The following HPSE2 variants were observed in gnomAD, a reference collection of about 807,000 sequenced individuals.
HPSE2 encodes the protein heparanase 2 (inactive), also known as inactive heparanase-2.
Under a neutral mutation model 60.5 loss-of-function variants are expected in HPSE2, and 38 were observed. The ratio of observed to expected loss-of-function variants is 0.63; its 90% CI spans 0.48 to 0.82. HPSE2 has a LOEUF of 0.82. Among genes scored for constraint, HPSE2 ranks in the 40% least tolerant of loss-of-function variants. The probability of loss-of-function intolerance (pLI) is 0.00; values close to 1 mark genes in which losing one functional copy is unlikely to be tolerated. For missense variants in HPSE2, 713 were observed against 740.4 expected (o/e 0.96, Z 0.43); for synonymous variants, 295 against 293.2 (o/e 1.01, Z -0.06).
intron 9 of HPSE2, among the ~76,000 whole-genome samples, chr10:98,495,739 C>A (rs536012802): frequency 6.6e-6 from 1 of 151,192 alleles, no homozygotes; most frequent in East Asian, 1.9e-4. Flanking sequence ...TACAGGTTTT[C>A]TTTCTCTTTA....
At chr10:99,077,576 G>T (rs563000598) in intron 3 of HPSE2, among the ~76,000 whole-genome samples, 1 of 151,880 alleles carries the variant, frequency 6.6e-6, no homozygotes, top group Admixed American at 6.6e-5. Flanking sequence ...GTGTGTGAGT[G>T]TATGTGTGTG....
chr10:98,656,129 C>T (rs1226947023), intron 6 of HPSE2, among the ~76,000 whole-genome samples: 2 of 151,476 alleles, frequency 1.3e-5, no homozygotes, highest in Non-Finnish European at 2.9e-5. Flanking sequence ...CTCTGTTGCC[C>T]AGGCTGGAGC....
At chr10:98,610,495 C>T (rs1431710564) in intron 9 of HPSE2, among the ~76,000 whole-genome samples, 1 of 152,150 alleles carries the variant, frequency 6.6e-6, no homozygotes, top group Non-Finnish European at 1.5e-5. Flanking sequence ...GTACTCCAAT[C>T]CATGACCAAT....
chr10:98,922,322 A>G (rs2135067570), intron 3 of HPSE2, among the ~76,000 whole-genome samples: 1 of 152,282 alleles, frequency 6.6e-6, no homozygotes, highest in East Asian at 1.9e-4. Context: ...CTGGGAAATG[A>G]CAAAGTTCTA....
the HPSE2 span, among the ~76,000 whole-genome samples, chr10:99,266,413 G>A: frequency 1.3e-5 from 2 of 152,160 alleles, no homozygotes; most frequent in Non-Finnish European, 2.9e-5. Flanking sequence ...GCACGGCAGA[G>A]GCAGCCATAA....
chr10:99,097,788 T>G (rs1843771567), intron 3 of HPSE2, among the ~76,000 whole-genome samples: 1 of 152,196 alleles, frequency 6.6e-6, no homozygotes, highest in African/African-American at 2.4e-5. Context: ...TTATCTCGTT[T>G]TATAGATAAG....
intron 2 of HPSE2, among the ~76,000 whole-genome samples, chr10:99,191,544 G>C (rs1457375998): frequency 6.6e-6 from 1 of 152,244 alleles, no homozygotes; most frequent in Non-Finnish European, 1.5e-5. Flanking sequence ...CACTGCATGA[G>C]CCACACTGTT....
chr10:98,541,443 C>G (rs1943455403), intron 9 of HPSE2, among the ~76,000 whole-genome samples: 1 of 152,150 alleles, frequency 6.6e-6, no homozygotes, highest in South Asian at 2.1e-4. Context: ...GTTCATCTCA[C>G]TAGGGAGTGC....
At chr10:98,852,998 C>G (rs533438824) in intron 3 of HPSE2, among the ~76,000 whole-genome samples, 94 of 152,224 alleles carry the variant, frequency 6.2e-4, no homozygotes, top group African/African-American at 2.2e-3. Context: ...TCTTTGGGGC[C>G]TTATGTTGTC....
intron 2 of HPSE2, among the ~76,000 whole-genome samples, chr10:99,181,397 C>CAAAAAAAAAAAAAAAAA (rs58049545): frequency 2.9e-5 from 3 of 104,762 alleles, no homozygotes; most frequent in African/African-American, 1.1e-4. Context: ...GACTCCGTCT[C>CAAAAAAAAAAAAAAAAA]AAAAAAAAAA....
intron 9 of HPSE2, among the ~76,000 whole-genome samples, chr10:98,555,777 G>A (rs563404661): frequency 6.6e-6 from 1 of 152,124 alleles, no homozygotes; most frequent in Non-Finnish European, 1.5e-5. Context: ...CTCCTCTTTC[G>A]AAACCAATTT....
At chr10:98,872,723 T>C (rs1952766953) in intron 3 of HPSE2, among the ~76,000 whole-genome samples, 1 of 152,104 alleles carries the variant, frequency 6.6e-6, no homozygotes, top group African/African-American at 2.4e-5. Context: ...GACTAGAATA[T>C]CTAAGAAAAT....
intron 7 of HPSE2, among the ~76,000 whole-genome samples, chr10:98,638,095 T>TGC (rs1417831046): frequency 8.0e-6 from 1 of 124,506 alleles, no homozygotes; most frequent in African/African-American, 3.2e-5. Context: ...GCTGAGATCC[T>TGC]GCCACTGCAC....
intron 9 of HPSE2, among the ~76,000 whole-genome samples, chr10:98,583,345 C>T (rs542396061): frequency 2.6e-5 from 4 of 152,176 alleles, no homozygotes; most frequent in Admixed American, 2.6e-4. Flanking sequence ...GAGCTAACTC[C>T]CCCTCTGTAG....
intron 5 of HPSE2, among the ~76,000 whole-genome samples, chr10:98,695,045 T>A (rs1948175758): frequency 6.6e-6 from 1 of 152,208 alleles, no homozygotes; most frequent in African/African-American, 2.4e-5. Flanking sequence ...ATGTTGCTCA[T>A]GCTGTGTGGG....
chr10:98,730,771 A>T (rs1016305914), intron 4 of HPSE2, among the ~76,000 whole-genome samples: 12 of 152,222 alleles, frequency 7.9e-5, no homozygotes, highest in African/African-American at 2.9e-4. Flanking sequence ...GACACAGAAA[A>T]TCTATATAGA....
chr10:98,987,985 A>C (rs1391255369), intron 3 of HPSE2, among the ~76,000 whole-genome samples: 2 of 152,238 alleles, frequency 1.3e-5, no homozygotes, highest in Non-Finnish European at 2.9e-5. Flanking sequence ...CTTTTCAGTG[A>C]AATAAAATAG....
At chr10:98,872,834 GA>G (rs112698987) in intron 3 of HPSE2, among the ~76,000 whole-genome samples, 7 of 152,270 alleles carry the variant, frequency 4.6e-5, no homozygotes, top group African/African-American at 1.2e-4. Context: ...TCAGTAACTA[GA>G]ACAGTTTCTG....
chr10:98,911,704 G>GGGGACATACT (rs1322599747), intron 3 of HPSE2, among the ~76,000 whole-genome samples: 3 of 152,124 alleles, frequency 2.0e-5, no homozygotes, highest in Non-Finnish European at 4.4e-5. Flanking sequence ...CATTGAGTAG[G>GGGGACATACT]GGGACATACT....
Sources: gnomAD v4.1 joint callset for allele counts (sites outside exome capture counted in the v4.1 genomes callset) on GRCh38, gnomAD v4.1.1 for gene constraint, MANE v1.5 for transcripts, NCBI Gene and HGNC (gene_info 2026-07-23, HGNC 2026-07-21) for gene names.